The following FAM20B variants were observed in gnomAD, a reference collection of about 807,000 sequenced individuals.
The protein encoded by FAM20B is glycosaminoglycan xylosylkinase.
A neutral mutation model predicts 43.8 loss-of-function variants in FAM20B; 23 were observed. The ratio of observed to expected loss-of-function variants is 0.53; its 90% CI spans 0.38 to 0.74. FAM20B has a LOEUF of 0.74. Ranked by LOEUF, FAM20B falls within the 30% of genes least tolerant of loss-of-function variation. The pLI is 0.00. For synonymous variants in FAM20B, 178 were observed against 192.4 expected (o/e 0.93, Z 0.62); for missense variants, 440 against 510.5 (o/e 0.86, Z 1.33).
chr1:179,067,372 A>G (rs977703540), intron 7 of FAM20B, among the ~76,000 whole-genome samples: 2 of 152,242 alleles, frequency 1.3e-5, no homozygotes, highest in African/African-American at 4.8e-5. Context: ...TGGGAGGCCA[A>G]GGTGGGTGGA....
rs1484573177 is a variant in FAM20B at position 179,074,452 on chromosome 1, G to A, written c.*2308G>A. ...AGTTGAACTAAGTTATGGATTTGTG[G>A]TCTTTCAAATACATGACGCCTTTAG... On this transcript the variant is annotated 3_prime_UTR_variant, in exon 8 of 8. Transcript: ENST00000263733. 2.0e-5 allele frequency: 3 copies of A among 152,542 alleles called. No homozygotes were observed. The highest frequency in any genetic ancestry group is 4.8e-5 in the African/African-American group (2 of 41,430). 9.4% of individuals were successfully genotyped at this position (152,542 alleles called of 1,614,324 possible).
At chr1:179,030,239 T>C (rs1173510906) in intron 1 of FAM20B, among the ~76,000 whole-genome samples, 1 of 152,200 alleles carries the variant, frequency 6.6e-6, no homozygotes, top group Non-Finnish European at 1.5e-5. Context: ...TTGTTTCTTA[T>C]CGTTGGTGTA....
chr1:179,043,490 G>A (rs997654759), intron 1 of FAM20B, among the ~76,000 whole-genome samples: 13 of 152,188 alleles, frequency 8.5e-5, no homozygotes, highest in Non-Finnish European at 7.3e-5. Flanking sequence ...CCCTGGCCAT[G>A]CCTCTCCCAC....
At chr1:179,035,750 A>G (rs1031439691) in intron 1 of FAM20B, 4 of 290,498 alleles carry the variant, frequency 1.4e-5, no homozygotes, top group Middle Eastern at 1.2e-3. Flanking sequence ...TCCCAAAACA[A>G]CTTCATAGTC....
chr1:179,040,356 G>A (rs1025377716), intron 1 of FAM20B, among the ~76,000 whole-genome samples: 8 of 151,192 alleles, frequency 5.3e-5, no homozygotes, highest in African/African-American at 9.7e-5. Context: ...CCGGCCGGGC[G>A]GGGGGCCAAC....
chr1:179,034,858 T>TA (rs544608206), intron 1 of FAM20B, among the ~76,000 whole-genome samples: 2 of 152,248 alleles, frequency 1.3e-5, no homozygotes, highest in Non-Finnish European at 2.9e-5. Context: ...CAAGGCATGT[T>TA]ACATTCTACT....
rs1372121440 is a variant in FAM20B at position 179,075,576 on chromosome 1, CAAG to C, written c.*3435_*3437del. On this transcript the variant is annotated 3_prime_UTR_variant, in exon 8 of 8. Transcript: ENST00000263733. ...GATCTGATTTGCTCAGAGTATTATT[CAAG>C]AATGTATTAATAAGGCATTGCCCCC... 6.6e-6 allele frequency: 1 copy of C among 152,360 alleles called. No individual in the cohort carries two copies. The highest frequency in any genetic ancestry group is 1.5e-5 in the Non-Finnish European group (1 of 67,998). 9.4% of individuals were successfully genotyped at this position (152,360 alleles called of 1,614,324 possible).
chr1:179,028,349 C>T (rs1039635603), intron 1 of FAM20B, among the ~76,000 whole-genome samples: 1 of 152,044 alleles, frequency 6.6e-6, no homozygotes, highest in Non-Finnish European at 1.5e-5. Flanking sequence ...TTTGGGAGGC[C>T]GAGGCAGGCG....
chr1:179,050,218 TGCTGTCA>T, intron 2 of FAM20B, 54 bp from the exon 3 acceptor site: 1 of 1,167,358 alleles, frequency 8.6e-7, no homozygotes, highest in Non-Finnish European at 1.3e-6. Flanking sequence ...CTACCACTTG[TGCTGTCA>T]CCTGTTACTG....
intron 4 of FAM20B, among the ~76,000 whole-genome samples, chr1:179,056,051 C>T (rs891929380): frequency 6.6e-6 from 1 of 152,082 alleles, no homozygotes; most frequent in South Asian, 2.1e-4. Context: ...AACCGCTGCC[C>T]GTCACATGCA....
rs1307163860 is a variant in FAM20B at position 179,073,121 on chromosome 1, C to T, written c.*977C>T. On this transcript the variant is annotated 3_prime_UTR_variant, in exon 8 of 8. Transcript: ENST00000263733. ...CTTCTGAAATGAATTTCCACCTCTGCCTTTAAGGCATTTTTGTCACTGAAG... is the reference window on the plus strand; with the variant it reads ...CTTCTGAAATGAATTTCCACCTCTGTCTTTAAGGCATTTTTGTCACTGAAG... The T allele has an allele frequency of 1.3e-5, 2 of 152,152 alleles. No homozygotes were observed. The highest frequency in any genetic ancestry group is 4.8e-5 in the African/African-American group (2 of 41,418). 9.4% of individuals were successfully genotyped at this position (152,152 alleles called of 1,614,324 possible). A position where few individuals can be genotyped will look rare whatever the true frequency, so the allele number is the denominator to read the frequency against.
chr1:179,072,210 A>C lies in FAM20B; in HGVS notation c.*66A>C. 8.0e-7 allele frequency: 1 copy of C among 1,252,150 alleles called. No homozygotes were observed. Among genetic ancestry groups the C allele is most frequent in the South Asian group, 1.4e-5 (1 of 73,926 alleles). 77.6% of individuals were successfully genotyped at this position (1,252,150 alleles called of 1,614,324 possible). A position where few individuals can be genotyped will look rare whatever the true frequency, so the allele number is the denominator to read the frequency against. On this transcript the variant is annotated 3_prime_UTR_variant, in exon 8 of 8. Transcript: ENST00000263733. ...AGAGAAACAGCACAATCAATTCCAA[A>C]TGGTATGAGATGGATTGGAAGTGGC... is the stretch of plus-strand genomic sequence containing the variant.
intron 4 of FAM20B, among the ~76,000 whole-genome samples, chr1:179,062,124 A>T (rs1463426128): frequency 6.6e-6 from 1 of 152,046 alleles, no homozygotes; most frequent in South Asian, 2.1e-4. Context: ...CTCCTGCCTC[A>T]GCCTTCCAAG....
intron 1 of FAM20B, among the ~76,000 whole-genome samples, chr1:179,039,634 A>G (rs1650396212): frequency 6.6e-6 from 1 of 152,224 alleles, no homozygotes; most frequent in African/African-American, 2.4e-5. Context: ...GGTTGTATTT[A>G]AATACATGAG....
rs753773399 is a variant in FAM20B, at chr1:179,044,126, C to G, written c.279C>G (p.Thr93=). 6.2e-7 allele frequency: 1 copy of G among 1,614,066 alleles called. No individual in the cohort carries two copies. Among genetic ancestry groups the G allele is most frequent in the Non-Finnish European group, 8.5e-7 (1 of 1,180,018 alleles). The change falls in exon 2 of 8, where the codon ACC becomes ACG. Residue 93 remains threonine, a synonymous_variant. Transcript: ENST00000263733. ...ELGAVMHAMA[T]KKIIKADVGY... ...GGGCAGTCATGCATGCCATGGCCAC[C>G]AAGAAAATCATTAAAGCTGATGTGG...
intron 1 of FAM20B, among the ~76,000 whole-genome samples, chr1:179,027,487 A>G (rs1360379397): frequency 6.6e-6 from 1 of 152,238 alleles, no homozygotes; most frequent in Non-Finnish European, 1.5e-5. Context: ...AAATCAATGT[A>G]TTCTATTAAT....
rs772239388 is a variant in FAM20B, at chr1:179,043,934, T to C, written c.87T>C (p.Asp29=). 2.5e-6 allele frequency: 4 copies of C among 1,614,036 alleles called. No homozygotes were observed. The highest frequency in any genetic ancestry group is 3.3e-5 in the Admixed American group (2 of 60,024). Residue 29 remains aspartate (D), a synonymous_variant, in exon 2 of 8, where the codon GAT becomes GAC. Transcript: ENST00000263733. ...AAGTTTTCCTGATTGACAACTTAGA[T>C]ACATCAGCTGCCAACCGGGAGGACC... The part of the protein sequence containing the change: ...FTKVFLIDNL[D]TSAANREDQR...
At chr1:179,070,478 A>C (rs544513003) in intron 7 of FAM20B, among the ~76,000 whole-genome samples, 1 of 150,914 alleles carries the variant, frequency 6.6e-6, no homozygotes, top group East Asian at 1.9e-4. Context: ...AGAAGGCAAA[A>C]GGGCAAAGAG....
At chr1:179,062,118 T>C (rs905907125) in intron 4 of FAM20B, among the ~76,000 whole-genome samples, 5 of 152,046 alleles carry the variant, frequency 3.3e-5, no homozygotes, top group African/African-American at 1.2e-4. Context: ...GCGATCCTCC[T>C]GCCTCAGCCT....
Sources: allele counts gnomAD v4.1 joint callset (sites outside exome capture counted in the v4.1 genomes callset), GRCh38; gene constraint gnomAD v4.1.1; transcripts MANE v1.5; gene names NCBI Gene and HGNC (gene_info 2026-07-23, HGNC 2026-07-21).